Variants in RBFOX1 observed in about 807,000 individuals in gnomAD.
RBFOX1 encodes RNA binding fox-1 homolog 1, also known as RNA binding protein fox-1 homolog 1.
A neutral mutation model predicts 57.7 loss-of-function variants in RBFOX1; 8 were observed. The observed-to-expected ratio is 0.14, with a 90% CI of 0.08 to 0.25. The LOEUF (loss-of-function observed/expected upper bound fraction) is 0.25. RBFOX1 is among the 10% of genes least tolerant of loss of function. The probability of loss-of-function intolerance (pLI) is 1.00; values close to 1 mark genes in which losing one functional copy is unlikely to be tolerated. For missense variants in RBFOX1, 611 were observed against 548.5 expected (o/e 1.11, Z -1.14); for synonymous variants, 326 against 222.4 (o/e 1.47, Z -4.15).
chr16:7,265,185 T>G (rs2095080106), intron 4 of RBFOX1, among the ~76,000 whole-genome samples: 1 of 152,170 alleles, frequency 6.6e-6, no homozygotes, highest in Non-Finnish European at 1.5e-5. Flanking sequence ...CATAGCAAAG[T>G]GCCATAGACA....
At chr16:7,137,543 A>G (rs2152062744) in intron 4 of RBFOX1, among the ~76,000 whole-genome samples, 1 of 152,316 alleles carries the variant, frequency 6.6e-6, no homozygotes, top group South Asian at 2.1e-4. Flanking sequence ...TTCCCCAGCC[A>G]CGTGGAACTG....
At chr16:6,847,854 T>C (rs1483354584) in intron 3 of RBFOX1, among the ~76,000 whole-genome samples, 1 of 152,026 alleles carries the variant, frequency 6.6e-6, no homozygotes, top group Non-Finnish European at 1.5e-5. Context: ...GTGGTTGTTG[T>C]TGAAATGGAG....
At chr16:5,699,069 C>T (rs997442197) in intron 3 of RBFOX1, among the ~76,000 whole-genome samples, 1 of 150,824 alleles carries the variant, frequency 6.6e-6, no homozygotes, top group Non-Finnish European at 1.5e-5. Flanking sequence ...CTCACTGCAA[C>T]CTCCATCTCA....
intron 4 of RBFOX1, among the ~76,000 whole-genome samples, chr16:5,974,515 C>A (rs1387609594): frequency 6.6e-6 from 1 of 152,052 alleles, no homozygotes; most frequent in African/African-American, 2.4e-5. Context: ...GAGGCTGAGG[C>A]AGGAGAATCA....
intron 4 of RBFOX1, among the ~76,000 whole-genome samples, chr16:7,086,917 T>A (rs1266677295): frequency 6.6e-6 from 1 of 152,060 alleles, no homozygotes; most frequent in Non-Finnish European, 1.5e-5. Context: ...TGACGGCCCA[T>A]CCCCCGGCCC....
At chr16:6,871,727 T>C (rs183400438) in intron 3 of RBFOX1, among the ~76,000 whole-genome samples, 1 of 152,270 alleles carries the variant, frequency 6.6e-6, no homozygotes, top group African/African-American at 2.4e-5. Flanking sequence ...AGAGTGATTT[T>C]CTGTTACATG....
chr16:7,279,248 C>G lies in RBFOX1; in HGVS notation c.27+227150C>G, dbSNP rs116565654. On this transcript the variant is annotated intron_variant, in intron 4 of 15. Transcript: ENST00000550418. ...AATAGAAATAAATGCTGCATTTTCT[C>G]TGTTTATAACATGTCACTTGGGCAA... is the stretch of plus-strand genomic sequence containing the variant. Among the ~76,000 whole-genome samples the G allele has an allele frequency of 3.8e-3, 578 of 152,106 alleles. 4 individuals are homozygous for G. The Middle Eastern group carries it at 0.058, about 15-fold the overall frequency.
chr16:5,735,632 C>T (rs1050394700), intron 3 of RBFOX1, among the ~76,000 whole-genome samples: 2 of 152,238 alleles, frequency 1.3e-5, no homozygotes, highest in African/African-American at 4.8e-5. Context: ...CCCAGTGGTT[C>T]ACGCCTATAA....
chr16:5,972,756 C>T (rs2059988013), intron 4 of RBFOX1, among the ~76,000 whole-genome samples: 2 of 152,298 alleles, frequency 1.3e-5, no homozygotes, highest in East Asian at 3.9e-4. Context: ...GTGTTTCTCA[C>T]CCTCTCCACT....
chr16:5,773,144 A>G (rs936878839), intron 3 of RBFOX1, among the ~76,000 whole-genome samples: 1 of 152,208 alleles, frequency 6.6e-6, no homozygotes, highest in East Asian at 1.9e-4. Flanking sequence ...GCTTGGGTTC[A>G]GTGGCTCAAC....
intron 3 of RBFOX1, among the ~76,000 whole-genome samples, chr16:6,716,922 G>C (rs916262896): frequency 3.9e-5 from 6 of 152,202 alleles, no homozygotes; most frequent in South Asian, 2.1e-4. Context: ...ATTAGGAGGT[G>C]GGGTCTTTGG....
intron 3 of RBFOX1, among the ~76,000 whole-genome samples, chr16:5,669,321 C>A (rs1280620406): frequency 1.3e-5 from 2 of 151,866 alleles, no homozygotes; most frequent in Non-Finnish European, 2.9e-5. Context: ...AGGAGGGAGC[C>A]AAGTTTCTGC....
chr16:6,953,129 G>T (rs545938128), intron 3 of RBFOX1, among the ~76,000 whole-genome samples: 1 of 152,214 alleles, frequency 6.6e-6, no homozygotes, highest in African/African-American at 2.4e-5. Context: ...GTAGAACTTA[G>T]GTGTATGTAT....
chr16:6,421,909 T>C (rs1440223722), intron 2 of RBFOX1, among the ~76,000 whole-genome samples: 2 of 150,784 alleles, frequency 1.3e-5, no homozygotes, highest in Non-Finnish European at 2.9e-5. Context: ...TCCTCCTGTT[T>C]AGGGACCAGA....
At chr16:6,563,755 G>C (rs1044077055) in intron 2 of RBFOX1, among the ~76,000 whole-genome samples, 2 of 152,200 alleles carry the variant, frequency 1.3e-5, no homozygotes, top group East Asian at 3.9e-4. Flanking sequence ...GGGCTTGGGA[G>C]GTGGAGGTTG....
chr16:5,863,575 C>A (rs2057277366), intron 3 of RBFOX1, among the ~76,000 whole-genome samples: 1 of 152,192 alleles, frequency 6.6e-6, no homozygotes. Context: ...ATGAATACTA[C>A]CTGCCTTAGA....
intron 1 of RBFOX1, among the ~76,000 whole-genome samples, chr16:5,436,009 G>C (rs764371942): frequency 5.9e-5 from 9 of 152,176 alleles, no homozygotes; most frequent in Non-Finnish European, 8.8e-5. Context: ...CCCCTCATAG[G>C]GAAGGATTTT....
At chr16:6,974,470 A>G (rs1034692657) in intron 3 of RBFOX1, among the ~76,000 whole-genome samples, 2 of 150,474 alleles carry the variant, frequency 1.3e-5, no homozygotes, top group African/African-American at 4.9e-5. Context: ...TCAGCCTCCC[A>G]AGTAGCTGAG....
At chr16:7,346,573 G>A (rs1347567818) in intron 4 of RBFOX1, among the ~76,000 whole-genome samples, 2 of 151,512 alleles carry the variant, frequency 1.3e-5, no homozygotes, top group South Asian at 2.1e-4. Flanking sequence ...CTGCCATCCT[G>A]GTTTACTCTA....
Sources: allele counts gnomAD v4.1 joint callset (sites outside exome capture counted in the v4.1 genomes callset), GRCh38; gene constraint gnomAD v4.1.1; transcripts MANE v1.5; gene names NCBI Gene and HGNC (gene_info 2026-07-23, HGNC 2026-07-21).